NTM: variants seen among roughly 807,000 people sequenced by gnomAD.
The protein encoded by NTM is IgLON family member 2.
Under a neutral mutation model 42.1 loss-of-function variants are expected in NTM, and 13 were observed. The ratio of observed to expected loss-of-function variants is 0.31; its 90% CI spans 0.20 to 0.49. The LOEUF (loss-of-function observed/expected upper bound fraction) is 0.49, where lower values mean the gene tolerates loss of function less well. Among genes scored for constraint, NTM ranks in the 20% least tolerant of loss-of-function variants. The pLI, the probability that NTM is intolerant of heterozygous loss-of-function variation, is 0.99. For synonymous variants in NTM, 187 were observed against 179.2 expected, an observed-to-expected ratio of 1.04 and a Z score of -0.35; for missense variants, 373 against 452.8, an observed-to-expected ratio of 0.82 and a Z score of 1.60.
At chr11:131,685,062 G>A (rs2073646160) in intron 1 of NTM, among the ~76,000 whole-genome samples, 1 of 152,258 alleles carries the variant, frequency 6.6e-6, no homozygotes, top group Non-Finnish European at 1.5e-5. Flanking sequence ...GAGCTTTCTA[G>A]AAATTCTAAG....
intron 1 of NTM, among the ~76,000 whole-genome samples, chr11:131,692,306 A>G (rs1295393316): frequency 6.6e-6 from 1 of 152,084 alleles, no homozygotes; most frequent in Non-Finnish European, 1.5e-5. Context: ...GGGCTAGCCT[A>G]TCTCCCATGC....
intron 1 of NTM, among the ~76,000 whole-genome samples, chr11:131,480,409 C>G (rs988621377): frequency 6.6e-6 from 1 of 152,092 alleles, no homozygotes; most frequent in South Asian, 2.1e-4. Context: ...GCATTTTCAC[C>G]AAATGAAGAC....
intron 1 of NTM, among the ~76,000 whole-genome samples, chr11:131,859,144 G>A (rs551762580): frequency 6.6e-6 from 1 of 152,208 alleles, no homozygotes; most frequent in East Asian, 1.9e-4. Flanking sequence ...CCATTCATCC[G>A]AGAGACACAT....
At chr11:132,033,740 A>G (rs1184286458) in intron 2 of NTM, among the ~76,000 whole-genome samples, 2 of 152,204 alleles carry the variant, frequency 1.3e-5, no homozygotes, top group Non-Finnish European at 2.9e-5. Context: ...TGGCTGTGGT[A>G]TGGTCCCTGG....
chr11:131,435,814 CA>C (rs1278128345), intron 1 of NTM, among the ~76,000 whole-genome samples: 2 of 152,190 alleles, frequency 1.3e-5, no homozygotes, highest in East Asian at 3.9e-4. Context: ...CCAGAATTTC[CA>C]GCACTATGTT....
chr11:131,895,739 A>G (rs1592652094), intron 1 of NTM, among the ~76,000 whole-genome samples: 1 of 152,110 alleles, frequency 6.6e-6, no homozygotes, highest in Non-Finnish European at 1.5e-5. Context: ...ATTGATTTCA[A>G]CTAATAGAAA....
chr11:132,128,913 G>A (rs2066316209), intron 2 of NTM, among the ~76,000 whole-genome samples: 1 of 133,158 alleles, frequency 7.5e-6, no homozygotes, highest in African/African-American at 2.9e-5. Flanking sequence ...ACTCCAGCCT[G>A]GGCGATAGAG....
chr11:131,516,671 C>G (rs2093914958), intron 1 of NTM, among the ~76,000 whole-genome samples: 1 of 152,094 alleles, frequency 6.6e-6, no homozygotes, highest in South Asian at 2.1e-4. Context: ...CACAATTGGC[C>G]CCCTGACCCT....
At chr11:132,052,396 C>A (rs965888808) in intron 2 of NTM, among the ~76,000 whole-genome samples, 1 of 152,148 alleles carries the variant, frequency 6.6e-6, no homozygotes, top group African/African-American at 2.4e-5. Flanking sequence ...AGTACCACTA[C>A]CCACCACTCT....
chr11:132,044,816 C>T (rs755584864), intron 2 of NTM, among the ~76,000 whole-genome samples: 18 of 152,116 alleles, frequency 1.2e-4, no homozygotes, highest in Admixed American at 3.3e-4. Flanking sequence ...GGCACCCTCC[C>T]GAGACTGAAC....
chr11:132,120,387 C>T (rs1049681031), intron 2 of NTM, among the ~76,000 whole-genome samples: 3 of 152,274 alleles, frequency 2.0e-5, no homozygotes, highest in Middle Eastern at 3.4e-3. Flanking sequence ...GGTGACAAAA[C>T]TCAGTTTACC....
intron 2 of NTM, among the ~76,000 whole-genome samples, chr11:131,948,944 G>T (rs1356189206): frequency 2.0e-5 from 3 of 152,140 alleles, no homozygotes; most frequent in East Asian, 3.9e-4. Flanking sequence ...AGTGTATCTT[G>T]CATAATTGAG....
intron 1 of NTM, among the ~76,000 whole-genome samples, chr11:131,750,346 A>G (rs2082330909): frequency 6.6e-6 from 1 of 152,124 alleles, no homozygotes; most frequent in South Asian, 2.1e-4. Flanking sequence ...CCACATACCC[A>G]TGTGTTTTCA....
At chr11:131,791,750 G>C (rs917165453) in intron 1 of NTM, among the ~76,000 whole-genome samples, 3 of 152,248 alleles carry the variant, frequency 2.0e-5, no homozygotes, top group African/African-American at 4.8e-5. Flanking sequence ...GAATAACTGA[G>C]TGAGTCAGTG....
chr11:131,490,109 A>T (rs1954620996), intron 1 of NTM, among the ~76,000 whole-genome samples: 1 of 152,200 alleles, frequency 6.6e-6, no homozygotes, highest in African/African-American at 2.4e-5. Context: ...ACAGAAACTA[A>T]TAGTGAGGAT....
intron 1 of NTM, among the ~76,000 whole-genome samples, chr11:131,755,511 G>A (rs1179690221): frequency 6.6e-6 from 1 of 152,074 alleles, no homozygotes; most frequent in South Asian, 2.1e-4. Context: ...ACAATAAGTA[G>A]TTTTAGTATA....
At chr11:131,916,158 G>C (rs544410156) in intron 2 of NTM, among the ~76,000 whole-genome samples, 1 of 152,320 alleles carries the variant, frequency 6.6e-6, no homozygotes, top group Non-Finnish European at 1.5e-5. Context: ...CTTTCTGTGG[G>C]TTGGCAGGAC....
At position 132,245,588 on chromosome 11, in the gene NTM, G is replaced by T. The variant is rs768613546; in HGVS notation, c.526+33441G>T. ...GGAGGTGCAGGGAAAGGCTGGGAGT[G>T]ACAGCAATTAGGAGAGCCTTTCTGT... On this transcript the variant is annotated intron_variant, in intron 4 of 8. Transcript: ENST00000683400. Among the ~76,000 whole-genome samples the T allele has an allele frequency of 1.6e-3, 243 of 152,286 alleles. 4 individuals carry two copies. The highest frequency in any genetic ancestry group is 1.5e-3 in the Admixed American group (23 of 15,296).
chr11:131,717,421 C>A (rs1026979549), intron 1 of NTM, among the ~76,000 whole-genome samples: 2 of 152,094 alleles, frequency 1.3e-5, no homozygotes, highest in African/African-American at 4.8e-5. Flanking sequence ...AATTTTGTAG[C>A]CTTCAACGTA....
Sources: gnomAD v4.1 joint callset for allele counts (sites outside exome capture counted in the v4.1 genomes callset) on GRCh38, gnomAD v4.1.1 for gene constraint, MANE v1.5 for transcripts, NCBI Gene and HGNC (gene_info 2026-07-23, HGNC 2026-07-21) for gene names.